The following PDE1C variants were observed in gnomAD, a reference collection of about 807,000 sequenced individuals.
The protein encoded by PDE1C is dual specificity calcium/calmodulin-dependent 3',5'-cyclic nucleotide phosphodiesterase 1C.
PDE1C carries 62 observed loss-of-function variants against 93.1 expected under a neutral mutation model. The ratio of observed to expected loss-of-function variants is 0.67; its 90% CI spans 0.54 to 0.82. The LOEUF (loss-of-function observed/expected upper bound fraction) is 0.82, where lower values mean the gene tolerates loss of function less well. Among genes scored for constraint, PDE1C ranks in the 40% least tolerant of loss-of-function variants. The pLI is 0.00. For missense variants in PDE1C, 742 were observed against 884.6 expected (o/e 0.84, Z 2.04); for synonymous variants, 325 against 310.1 (o/e 1.05, Z -0.50).
chr7:32,004,468 A>T (rs1584414295), intron 2 of PDE1C, among the ~76,000 whole-genome samples: 1 of 152,162 alleles, frequency 6.6e-6, no homozygotes, highest in Admixed American at 6.5e-5. Context: ...CTCTTCAGGA[A>T]CTGTTAAGGG....
chr7:32,145,100 C>T (rs1326014134), intron 3 of PDE1C, among the ~76,000 whole-genome samples: 1 of 152,176 alleles, frequency 6.6e-6, no homozygotes, highest in Non-Finnish European at 1.5e-5. Flanking sequence ...TGGGAAGCCA[C>T]TAAAGGTTTT....
intron 6 of PDE1C, among the ~76,000 whole-genome samples, chr7:31,867,738 C>T (rs992374826): frequency 2.6e-5 from 4 of 152,204 alleles, no homozygotes; most frequent in African/African-American, 9.7e-5. Context: ...AGAATCAGGC[C>T]TCTTGGATCT....
the PDE1C span, among the ~76,000 whole-genome samples, chr7:31,699,736 T>A: frequency 3.9e-5 from 6 of 152,160 alleles, no homozygotes. Context: ...ATGTGTTAAC[T>A]TCATGTCTCT....
chr7:31,801,594 G>C (rs1786049987), intron 16 of PDE1C, among the ~76,000 whole-genome samples: 1 of 151,394 alleles, frequency 6.6e-6, no homozygotes, highest in Admixed American at 6.6e-5. Context: ...TATTGAGAAA[G>C]AGATAATAAT....
chr7:31,944,117 C>T (rs1380921016), intron 2 of PDE1C, among the ~76,000 whole-genome samples: 1 of 152,110 alleles, frequency 6.6e-6, no homozygotes, highest in African/African-American at 2.4e-5. Context: ...TCCTTTTCAC[C>T]TTGTCATTAA....
At chr7:31,656,404 T>G in the PDE1C span, 1 of 485,318 alleles carries the variant, frequency 2.1e-6, no homozygotes. Context: ...ATGAATCCTG[T>G]GCAGTGTTTA....
the PDE1C span, among the ~76,000 whole-genome samples, chr7:31,672,383 A>G: frequency 6.6e-6 from 1 of 152,184 alleles, no homozygotes; most frequent in Non-Finnish European, 1.5e-5. Context: ...TTACTAAAAT[A>G]TCACCTCTCA....
chr7:32,089,983 C>A (rs1347217044), intron 3 of PDE1C, among the ~76,000 whole-genome samples: 1 of 152,148 alleles, frequency 6.6e-6, no homozygotes, highest in Non-Finnish European at 1.5e-5. Context: ...GTACCATTTT[C>A]TTGTCTTTTA....
At chr7:32,031,229 T>G (rs1170413795) in intron 2 of PDE1C, among the ~76,000 whole-genome samples, 1 of 152,162 alleles carries the variant, frequency 6.6e-6, no homozygotes, top group African/African-American at 2.4e-5. Flanking sequence ...CTCTAACACA[T>G]GTTCATTTTA....
intron 2 of PDE1C, among the ~76,000 whole-genome samples, chr7:31,996,360 AT>A (rs1458180745): frequency 6.6e-6 from 1 of 152,128 alleles, no homozygotes; most frequent in African/African-American, 2.4e-5. Context: ...TCAAAACTAA[AT>A]TTCAAGGCAG....
chr7:32,159,083 G>C (rs1370262188), intron 3 of PDE1C, among the ~76,000 whole-genome samples: 1 of 152,112 alleles, frequency 6.6e-6, no homozygotes, highest in Non-Finnish European at 1.5e-5. Flanking sequence ...TTCAATATAT[G>C]CATCGATCTC....
chr7:32,330,223 G>T (rs997335107), intron 1 of PDE1C, among the ~76,000 whole-genome samples: 1 of 152,238 alleles, frequency 6.6e-6, no homozygotes, highest in Non-Finnish European at 1.5e-5. Flanking sequence ...TCCATTTGCA[G>T]TTGAGGCTCT....
At chr7:32,319,058 G>A (rs1783231677) in intron 1 of PDE1C, among the ~76,000 whole-genome samples, 1 of 152,210 alleles carries the variant, frequency 6.6e-6, no homozygotes, top group African/African-American at 2.4e-5. Context: ...CAGGCGGGAG[G>A]ATTTGACCCA....
At chr7:31,701,285 G>A in the PDE1C span, among the ~76,000 whole-genome samples, 1 of 152,152 alleles carries the variant, frequency 6.6e-6, no homozygotes, top group African/African-American at 2.4e-5. Context: ...AGTTTGAGAG[G>A]TTCAAGACTT....
intron 1 of PDE1C, among the ~76,000 whole-genome samples, chr7:32,390,807 G>A (rs1038407204): frequency 2.6e-5 from 4 of 151,850 alleles, no homozygotes; most frequent in African/African-American, 4.8e-5. Flanking sequence ...GAACCATGAT[G>A]GTGCCACTGC....
At chr7:31,827,373 T>C (rs565690181) in intron 12 of PDE1C, among the ~76,000 whole-genome samples, 1 of 152,286 alleles carries the variant, frequency 6.6e-6, no homozygotes, top group Admixed American at 6.5e-5. Flanking sequence ...ATAAACCTAA[T>C]GGTTCACACA....
intron 17 of PDE1C, among the ~76,000 whole-genome samples, chr7:31,758,260 C>T (rs939681208): frequency 3.3e-5 from 5 of 151,892 alleles, no homozygotes; most frequent in African/African-American, 9.7e-5. Context: ...CAAACCTGCA[C>T]GTTGTGCACA....
chr7:31,837,349 C>T, intron 10 of PDE1C, 49 bp from the exon 11 acceptor site: 2 of 1,505,538 alleles, frequency 1.3e-6, no homozygotes, highest in African/African-American at 1.4e-5. Flanking sequence ...TCTTCAGAAC[C>T]TCAGTAAGAG....
Position 32,220,284 on chromosome 7 carries a change from C to T in PDE1C, c.86-10745G>A, listed in dbSNP as rs192086537. Among the ~76,000 whole-genome samples the T allele has an allele frequency of 4.3e-3, 660 of 152,318 alleles. 6 individuals carry two copies. Among genetic ancestry groups the T allele is most frequent in the Middle Eastern group, 0.01 (3 of 294 alleles). The stretch of plus-strand genomic sequence containing the variant: ...GACACTCAAATTTATTAAGCCCCTT[C>T]CTCATGCCAGGCACCAGTAGGAACT... On this transcript the variant is annotated intron_variant, in intron 1 of 18. Coordinates refer to the PDE1C transcript ENST00000396193.
Sources: allele counts gnomAD v4.1 joint callset (sites outside exome capture counted in the v4.1 genomes callset), GRCh38; gene constraint gnomAD v4.1.1; transcripts MANE v1.5; gene names NCBI Gene and HGNC (gene_info 2026-07-23, HGNC 2026-07-21).